Variants in TRPS1 observed in about 807,000 individuals in gnomAD.
TRPS1 encodes the protein transcriptional repressor GATA binding 1.
A neutral mutation model predicts 101.2 loss-of-function variants in TRPS1; 6 were observed. The ratio of observed to expected loss-of-function variants is 0.06; its 90% CI spans 0.03 to 0.12. The LOEUF is 0.12. Ranked by LOEUF, TRPS1 falls within the 10% of genes least tolerant of loss-of-function variation. The pLI is 1.00. For synonymous variants in TRPS1, 578 were observed against 589.8 expected (o/e 0.98, Z 0.29); for missense variants, 1,363 against 1,567.0 (o/e 0.87, Z 2.20).
chr8:115,627,204 G>C (rs755261220), intron 1 of TRPS1, among the ~76,000 whole-genome samples: 9 of 151,680 alleles, frequency 5.9e-5, no homozygotes, highest in Non-Finnish European at 1.3e-4. Context: ...TTCATAACCA[G>C]TGAGAGGCAA....
chr8:115,621,253 G>A (rs906501791), intron 2 of TRPS1, among the ~76,000 whole-genome samples: 4 of 152,206 alleles, frequency 2.6e-5, no homozygotes, highest in African/African-American at 9.6e-5. Flanking sequence ...CGAGTGCTGT[G>A]TAAGTCATCA....
chr8:115,550,112 G>A (rs745410859), intron 5 of TRPS1, among the ~76,000 whole-genome samples: 3 of 152,132 alleles, frequency 2.0e-5, no homozygotes, highest in Non-Finnish European at 4.4e-5. Flanking sequence ...AGCTACTTGG[G>A]AGGCTGCGAC....
At chr8:115,468,871 G>A (rs971860775) in intron 5 of TRPS1, among the ~76,000 whole-genome samples, 3 of 152,154 alleles carry the variant, frequency 2.0e-5, no homozygotes, top group Non-Finnish European at 4.4e-5. Flanking sequence ...CAGGCATGGT[G>A]GCTCACTCCT....
chr8:115,640,139 C>A (rs1818862010), intron 1 of TRPS1, among the ~76,000 whole-genome samples: 1 of 152,130 alleles, frequency 6.6e-6, no homozygotes, highest in African/African-American at 2.4e-5. Flanking sequence ...CAACTTTATA[C>A]TTGATAATTT....
intron 5 of TRPS1, among the ~76,000 whole-genome samples, chr8:115,528,244 C>T (rs2130254294): frequency 6.6e-6 from 1 of 151,970 alleles, no homozygotes; most frequent in East Asian, 1.9e-4. Flanking sequence ...TGTTACACTC[C>T]CCTTTGTACA....
intron 5 of TRPS1, among the ~76,000 whole-genome samples, chr8:115,535,550 T>C (rs1816296069): frequency 6.8e-6 from 1 of 147,486 alleles, no homozygotes; most frequent in African/African-American, 2.5e-5. Context: ...ATATAGCGCA[T>C]ATATATATAT....
intron 4 of TRPS1, among the ~76,000 whole-genome samples, chr8:115,591,891 G>C (rs1369915222): frequency 6.6e-6 from 1 of 152,058 alleles, no homozygotes; most frequent in Non-Finnish European, 1.5e-5. Context: ...TGAAGTATAC[G>C]GCCCATTTCA....
At chr8:115,625,484 G>C (rs925927043) in intron 1 of TRPS1, among the ~76,000 whole-genome samples, 15 of 151,760 alleles carry the variant, frequency 9.9e-5, no homozygotes, top group Non-Finnish European at 1.8e-4. Flanking sequence ...CGGCGCCAAG[G>C]GTGGTTTAAA....
At chr8:115,487,462 C>T (rs1375853377) in intron 5 of TRPS1, among the ~76,000 whole-genome samples, 7 of 152,116 alleles carry the variant, frequency 4.6e-5, no homozygotes, top group East Asian at 1.9e-4. Flanking sequence ...AAGGCTGAAG[C>T]GGCCATAGAT....
chr8:115,655,140 T>G (rs999183614), intron 1 of TRPS1, among the ~76,000 whole-genome samples: 2 of 152,186 alleles, frequency 1.3e-5, no homozygotes, highest in African/African-American at 4.8e-5. Context: ...CTAGAATGGA[T>G]AGTAGCTCAA....
At chr8:115,530,280 A>G (rs1283678823) in intron 5 of TRPS1, among the ~76,000 whole-genome samples, 1 of 152,080 alleles carries the variant, frequency 6.6e-6, no homozygotes, top group African/African-American at 2.4e-5. Flanking sequence ...GTAAATATTG[A>G]CCCCCACATT....
intron 3 of TRPS1, among the ~76,000 whole-genome samples, chr8:115,609,347 T>A (rs1818111021): frequency 6.6e-6 from 1 of 152,218 alleles, no homozygotes; most frequent in African/African-American, 2.4e-5. Context: ...ACTATCAATA[T>A]TCTTAGCTGT....
intron 5 of TRPS1, among the ~76,000 whole-genome samples, chr8:115,469,964 A>C (rs1440946456): frequency 3.9e-5 from 6 of 152,186 alleles, no homozygotes; most frequent in Non-Finnish European, 8.8e-5. Context: ...AATCAGCATG[A>C]ATATTTCCAT....
chr8:115,487,110 T>C (rs1419665138), intron 5 of TRPS1, among the ~76,000 whole-genome samples: 1 of 152,194 alleles, frequency 6.6e-6, no homozygotes, highest in Non-Finnish European at 1.5e-5. Flanking sequence ...TCATTTATCA[T>C]TCTAAAATAC....
chr8:115,473,375 G>T (rs1328096278), intron 5 of TRPS1, among the ~76,000 whole-genome samples: 1 of 152,152 alleles, frequency 6.6e-6, no homozygotes, highest in East Asian at 1.9e-4. Flanking sequence ...TCACTATCAT[G>T]AGAACAGCAG....
intron 5 of TRPS1, among the ~76,000 whole-genome samples, chr8:115,431,754 T>TAAAA (rs1046089044): frequency 3.3e-5 from 5 of 152,006 alleles, no homozygotes; most frequent in African/African-American, 1.2e-4. Context: ...GCACAAAATA[T>TAAAA]AAAAATAGAT....
At position 115,515,136 on chromosome 8, in the gene TRPS1, TAGA is replaced by T. The variant is rs1367930950; in HGVS notation, c.2700+71862_2700+71864del. 7.7e-6 allele frequency: 5 copies of T among 650,068 alleles called. No homozygotes were observed. The Admixed American group carries it at 1.2e-4, about 15-fold the overall frequency. The allele number at this position is 650,068 out of a possible 1,614,324, so 40.3% of individuals were successfully genotyped here. A position where few individuals can be genotyped will look rare whatever the true frequency, so the allele number is the denominator to read the frequency against. On this transcript the variant is annotated intron_variant, in intron 5 of 6. Transcript: ENST00000395715. The stretch of plus-strand genomic sequence containing the variant: ...AGATTAAGTTGGGGAGAATGATAGC[TAGA>T]AGACAAAGACATATTCAATGTCCAA...
At chr8:115,525,373 A>C (rs1346826689) in intron 5 of TRPS1, among the ~76,000 whole-genome samples, 1 of 152,154 alleles carries the variant, frequency 6.6e-6, no homozygotes, top group Non-Finnish European at 1.5e-5. Flanking sequence ...AGGAAAGAAG[A>C]AGCTGTATTC....
At chr8:115,572,422 CT>C (rs1394313408) in intron 5 of TRPS1, among the ~76,000 whole-genome samples, 1 of 149,000 alleles carries the variant, frequency 6.7e-6, no homozygotes, top group Non-Finnish European at 1.5e-5. Context: ...GGGTCATTTC[CT>C]TTTTTAAATT....
Sources: gnomAD v4.1 joint callset for allele counts (sites outside exome capture counted in the v4.1 genomes callset) on GRCh38, gnomAD v4.1.1 for gene constraint, MANE v1.5 for transcripts, NCBI Gene and HGNC (gene_info 2026-07-23, HGNC 2026-07-21) for gene names.